HECW2: variants seen among roughly 807,000 people sequenced by gnomAD.
The protein encoded by HECW2 is HECT, C2 and WW domain containing E3 ubiquitin protein ligase 2, also known as E3 ubiquitin-protein ligase HECW2.
Under a neutral mutation model 175.2 loss-of-function variants are expected in HECW2, and 61 were observed. The ratio of observed to expected loss-of-function variants is 0.35; its 90% CI spans 0.28 to 0.43. The LOEUF (loss-of-function observed/expected upper bound fraction) is 0.43. Ranked by LOEUF, HECW2 falls within the 20% of genes least tolerant of loss-of-function variation. HECW2 has a pLI of 1.00. For missense variants in HECW2, 1,524 were observed against 2,000.5 expected (o/e 0.76, Z 4.54); for synonymous variants, 671 against 731.0 (o/e 0.92, Z 1.32).
At chr2:196,534,798 T>C (rs1476035913) in intron 1 of HECW2, among the ~76,000 whole-genome samples, 2 of 152,204 alleles carry the variant, frequency 1.3e-5, no homozygotes, top group African/African-American at 2.4e-5. Flanking sequence ...CCTACTCCAG[T>C]GGCTTCACCT....
chr2:196,468,305 T>C (rs1418661191), intron 1 of HECW2, among the ~76,000 whole-genome samples: 1 of 152,226 alleles, frequency 6.6e-6, no homozygotes, highest in Non-Finnish European at 1.5e-5. Context: ...GGTTGTTCTT[T>C]AAAGACGAAT....
intron 1 of HECW2, among the ~76,000 whole-genome samples, chr2:196,497,586 T>C (rs1333901848): frequency 6.6e-6 from 1 of 152,214 alleles, no homozygotes; most frequent in African/African-American, 2.4e-5. Flanking sequence ...AGGTTTTCTC[T>C]GACCTTCTCC....
chr2:196,587,346 A>G (rs1208221770), intron 1 of HECW2, among the ~76,000 whole-genome samples: 2 of 152,224 alleles, frequency 1.3e-5, no homozygotes, highest in African/African-American at 4.8e-5. Flanking sequence ...AGCAAGTCCA[A>G]TAAAAAATAG....
At chr2:196,273,299 C>T (rs1386627677) in intron 16 of HECW2, among the ~76,000 whole-genome samples, 1 of 152,076 alleles carries the variant, frequency 6.6e-6, no homozygotes, top group Non-Finnish European at 1.5e-5. Context: ...GATCTGTCGA[C>T]CTTGTGATCT....
chr2:196,250,989 T>C (rs1158711821), intron 19 of HECW2, among the ~76,000 whole-genome samples: 4 of 152,320 alleles, frequency 2.6e-5, no homozygotes, highest in East Asian at 1.9e-4. Flanking sequence ...ATTGATAATG[T>C]CATGATTTTC....
At chr2:196,218,114 T>C (rs1397148453) in intron 26 of HECW2, 1 of 152,254 alleles carries the variant, frequency 6.6e-6, no homozygotes, top group Non-Finnish European at 1.5e-5. Context: ...AGCAATTTGG[T>C]ACTGAGCAAA....
rs1466690429 is a variant in HECW2, at chr2:196,199,291, T to A, written c.*1986A>T. On this transcript the variant is annotated 3_prime_UTR_variant, in exon 29 of 29. Coordinates refer to ENST00000644978, the MANE Select transcript of HECW2 (RefSeq NM_001348768.2). ...TATACTTGTATTCATGATCAATAAGTACAAACTAACATTTCCAGTTAAAAG... is the reference window on the plus strand; with the variant it reads ...TATACTTGTATTCATGATCAATAAGAACAAACTAACATTTCCAGTTAAAAG... 6.6e-6 allele frequency: 1 copy of A among 152,616 alleles called. No homozygotes were observed. The highest frequency in any genetic ancestry group is 1.5e-5 in the Non-Finnish European group (1 of 68,020). The allele number at this position is 152,616 out of a possible 1,614,324, so 9.5% of individuals were successfully genotyped here. A position where few individuals can be genotyped will look rare whatever the true frequency, so the allele number is the denominator to read the frequency against.
intron 19 of HECW2, among the ~76,000 whole-genome samples, chr2:196,247,144 G>C (rs1184906023): frequency 6.6e-6 from 1 of 152,018 alleles, no homozygotes; most frequent in Non-Finnish European, 1.5e-5. Context: ...CCAGCTACTT[G>C]GGGGGCTGAG....
chr2:196,293,149 C>T (rs957624865), intron 13 of HECW2, among the ~76,000 whole-genome samples: 4 of 152,168 alleles, frequency 2.6e-5, no homozygotes, highest in African/African-American at 7.2e-5. Context: ...TTCTCTCCCT[C>T]CCCCAGTCCT....
intron 2 of HECW2, among the ~76,000 whole-genome samples, chr2:196,404,270 G>A (rs1694900170): frequency 1.3e-5 from 2 of 152,152 alleles, no homozygotes; most frequent in African/African-American, 4.8e-5. Context: ...TTCTCCCTAT[G>A]ATTTGCCCCA....
intron 1 of HECW2, among the ~76,000 whole-genome samples, chr2:196,527,711 G>A (rs1688716749): frequency 6.6e-6 from 1 of 152,194 alleles, no homozygotes; most frequent in African/African-American, 2.4e-5. Context: ...AATTTTTAAA[G>A]TAATACATTG....
intron 28 of HECW2, among the ~76,000 whole-genome samples, chr2:196,205,328 C>T (rs759255651): frequency 1.3e-5 from 2 of 152,104 alleles, no homozygotes; most frequent in African/African-American, 4.8e-5. Context: ...AAACTGAAAG[C>T]GGGGAGATTA....
rs1269011895 is a variant in HECW2, at chr2:196,196,210, G to A, written c.*5067C>T. Reference sequence around the variant, plus strand: ...GGTCAATAATTAGCATTATATTCTTGCGGGGTGGCACAACTGCTGGGCTCC... The same window carrying A: ...GGTCAATAATTAGCATTATATTCTTACGGGGTGGCACAACTGCTGGGCTCC... On this transcript the variant is annotated 3_prime_UTR_variant, in exon 29 of 29. Coordinates refer to ENST00000644978, the MANE Select transcript of HECW2 (RefSeq NM_001348768.2). 3 of 152,160 alleles carry A rather than the reference G, an allele frequency of 2.0e-5. No homozygotes were observed. The highest frequency in any genetic ancestry group is 2.1e-4 in the South Asian group (1 of 4,824). The allele number at this position is 152,160 out of a possible 1,614,324, so 9.4% of individuals were successfully genotyped here.
chr2:196,569,371 C>CTAAACTAAACTAAAATAAAA (rs375827600), intron 1 of HECW2, among the ~76,000 whole-genome samples: 8,846 of 143,964 alleles, frequency 0.061, 306 homozygotes, highest in Middle Eastern at 0.12. Flanking sequence ...CTAAACTAAA[C>CTAAACTAAACTAAAATAAAA]TAAAATAAAA....
intron 1 of HECW2, among the ~76,000 whole-genome samples, chr2:196,471,886 G>A (rs1024845647): frequency 6.6e-6 from 1 of 151,228 alleles, no homozygotes; most frequent in African/African-American, 2.4e-5. Flanking sequence ...ATATCTGGGT[G>A]ATGAAATAAT....
chr2:196,536,805 A>G (rs1689036778), intron 1 of HECW2, among the ~76,000 whole-genome samples: 1 of 152,100 alleles, frequency 6.6e-6, no homozygotes, highest in African/African-American at 2.4e-5. Flanking sequence ...GCATCAATAC[A>G]CCAAGTTAGA....
intron 28 of HECW2, among the ~76,000 whole-genome samples, chr2:196,211,305 G>A (rs1305437955): frequency 6.6e-6 from 1 of 152,162 alleles, no homozygotes; most frequent in Non-Finnish European, 1.5e-5. Flanking sequence ...CTGTTTGAGA[G>A]CAATTGCCAC....
At chr2:196,239,648 T>C (rs1422850699) in intron 21 of HECW2, 2 of 148,216 alleles carry the variant, frequency 1.3e-5, no homozygotes, top group Non-Finnish European at 3.0e-5. Context: ...TGTATGGTAT[T>C]AGAAAAATTC....
chr2:196,470,089 G>A (rs929367281), intron 1 of HECW2, among the ~76,000 whole-genome samples: 3 of 151,826 alleles, frequency 2.0e-5, no homozygotes, highest in African/African-American at 4.8e-5. Flanking sequence ...AAAAAAATTC[G>A]CATAAGCAAA....
Sources: gnomAD v4.1 joint callset for allele counts (sites outside exome capture counted in the v4.1 genomes callset) on GRCh38, gnomAD v4.1.1 for gene constraint, MANE v1.5 for transcripts, NCBI Gene and HGNC (gene_info 2026-07-23, HGNC 2026-07-21) for gene names.